ACOXL: variants seen among roughly 807,000 people sequenced by gnomAD.
ACOXL encodes the protein acyl-coenzyme A oxidase-like protein.
In ACOXL, 70 loss-of-function variants were observed where a neutral mutation model predicts 71.9. The observed-to-expected ratio is 0.97, with a 90% CI of 0.80 to 1.19. The LOEUF is 1.19. ACOXL is among the 50% of genes most tolerant of loss of function. The pLI is 0.00. For synonymous variants in ACOXL, 253 were observed against 281.6 expected, an observed-to-expected ratio of 0.90 and a Z score of 1.02; for missense variants, 703 against 736.3, an observed-to-expected ratio of 0.95 and a Z score of 0.52.
chr2:110,923,846 G>A (rs772491640), intron 11 of ACOXL, among the ~76,000 whole-genome samples: 5 of 151,828 alleles, frequency 3.3e-5, no homozygotes, highest in Non-Finnish European at 5.9e-5. Context: ...TGAGGCAGGA[G>A]AATTGCTTGA....
At chr2:111,078,448 G>A (rs1235010100) in intron 16 of ACOXL, among the ~76,000 whole-genome samples, 1 of 152,050 alleles carries the variant, frequency 6.6e-6, no homozygotes, top group Non-Finnish European at 1.5e-5. Context: ...ATTCTAAGTA[G>A]AGGTCGGGTT....
At chr2:110,740,285 G>A (rs1328938315) in intron 1 of ACOXL, among the ~76,000 whole-genome samples, 1 of 152,194 alleles carries the variant, frequency 6.6e-6, no homozygotes, top group Non-Finnish European at 1.5e-5. Context: ...ACTATATCAG[G>A]CAATTTCAAA....
intron 12 of ACOXL, among the ~76,000 whole-genome samples, chr2:110,949,770 A>T (rs1181887987): frequency 6.6e-6 from 1 of 152,176 alleles, no homozygotes; most frequent in Non-Finnish European, 1.5e-5. Context: ...AGGAGTTATT[A>T]TCCTTATAGT....
chr2:110,839,893 A>G (rs1359956035), intron 9 of ACOXL, among the ~76,000 whole-genome samples: 2 of 152,184 alleles, frequency 1.3e-5, no homozygotes, highest in Non-Finnish European at 1.5e-5. Flanking sequence ...CAAGGGAACC[A>G]TAAGTGATGT....
intron 9 of ACOXL, among the ~76,000 whole-genome samples, chr2:110,810,632 C>G (rs907281200): frequency 1.3e-5 from 2 of 151,992 alleles, no homozygotes; most frequent in Non-Finnish European, 2.9e-5. Flanking sequence ...CATCATCCAC[C>G]CATCCATCAT....
At chr2:110,957,314 A>C (rs2149432847) in intron 12 of ACOXL, among the ~76,000 whole-genome samples, 1 of 152,274 alleles carries the variant, frequency 6.6e-6, no homozygotes, top group East Asian at 1.9e-4. Flanking sequence ...TTAGGAAAGG[A>C]CTTCCTCAGA....
chr2:111,078,566 T>C (rs1223678331), intron 16 of ACOXL, among the ~76,000 whole-genome samples: 1 of 152,162 alleles, frequency 6.6e-6, no homozygotes, highest in East Asian at 1.9e-4. Context: ...ACCTAGCCTG[T>C]ATTTTCTATT....
chr2:110,853,294 G>A (rs1343111844), intron 10 of ACOXL, among the ~76,000 whole-genome samples: 2 of 152,164 alleles, frequency 1.3e-5, no homozygotes, highest in Non-Finnish European at 1.5e-5. Context: ...TGCTTGGTTC[G>A]GCTGCTCACA....
intron 9 of ACOXL, among the ~76,000 whole-genome samples, chr2:110,813,895 C>T (rs1322611515): frequency 3.3e-5 from 5 of 152,150 alleles, no homozygotes; most frequent in Admixed American, 2.0e-4. Flanking sequence ...TTCCCATTTT[C>T]CACATGAGGA....
intron 17 of ACOXL, chr2:111,101,848 A>C (rs971990066): frequency 6.5e-6 from 1 of 152,678 alleles, no homozygotes; most frequent in African/African-American, 2.4e-5. Flanking sequence ...GGCTGTGGTC[A>C]GTGAGTTGAG....
chr2:110,816,043 GGATGGAGGGATGGATGGGTA>G (rs756597344), intron 9 of ACOXL, among the ~76,000 whole-genome samples: 6 of 152,120 alleles, frequency 3.9e-5, no homozygotes, highest in Non-Finnish European at 7.4e-5. Context: ...ATTAATTGAT[GGATGGAGGGATGGATGGGTA>G]GATGAATAGA....
intron 14 of ACOXL, among the ~76,000 whole-genome samples, chr2:111,009,849 G>A (rs2064061091): frequency 6.6e-6 from 1 of 152,164 alleles, no homozygotes; most frequent in Non-Finnish European, 1.5e-5. Flanking sequence ...CTATGTCTCA[G>A]GAAAAGGGAT....
At chr2:110,864,179 C>G (rs1694283586) in intron 10 of ACOXL, among the ~76,000 whole-genome samples, 1 of 152,204 alleles carries the variant, frequency 6.6e-6, no homozygotes, top group African/African-American at 2.4e-5. Flanking sequence ...CTGTCACTCA[C>G]TGTGTTGGTG....
intron 17 of ACOXL, among the ~76,000 whole-genome samples, chr2:111,105,144 G>A (rs188068049): frequency 2.6e-5 from 4 of 152,076 alleles, no homozygotes; most frequent in East Asian, 1.9e-4. Context: ...TTAGTTGGTC[G>A]TATTTGTATG....
At chr2:110,924,035 G>A (rs747174063) in intron 11 of ACOXL, among the ~76,000 whole-genome samples, 51 of 152,024 alleles carry the variant, frequency 3.4e-4, no homozygotes, top group African/African-American at 4.8e-4. Flanking sequence ...AGTGAATATC[G>A]CAATAACATG....
intron 10 of ACOXL, among the ~76,000 whole-genome samples, chr2:110,850,696 G>GC (rs576914446): frequency 1.5e-3 from 225 of 152,318 alleles, no homozygotes; most frequent in Non-Finnish European, 2.6e-3. Context: ...TGGAGAAACT[G>GC]CAACTCTGAT....
rs1441535646 is a variant in ACOXL at position 111,031,677 on chromosome 2, C to T, written c.1332C>T (p.His444=). The part of the protein sequence containing the change: ...DFFHAWNSCL[H]HVASLSLAHT... ...TCCATGCCTGGAACTCGTGTCTGCA[C>T]CACGTGGCTTCTCTGTCCCTGGCAC... Residue 444 remains histidine, a synonymous_variant, in exon 15 of 18, where the codon CAC becomes CAT. Coordinates refer to ENST00000439055, the MANE Select transcript of ACOXL (RefSeq NM_001142807.4). 6.2e-7 allele frequency: 1 copy of T among 1,614,164 alleles called. No individual in the cohort carries two copies. Among genetic ancestry groups the T allele is most frequent in the East Asian group, 2.2e-5 (1 of 44,884 alleles).
In ACOXL at chr2:110,846,969, A is replaced by G. The variant is rs141499666; in HGVS notation, c.788+5564A>G. On this transcript the variant is annotated intron_variant, in intron 10 of 17. Transcript: ENST00000439055. ...TCCTGCTCATGTTTCGTTTATTATC[A>G]TGGCGCTTTAATTTATTTTTGTAAA... Among the ~76,000 whole-genome samples, 1,310 of 152,228 alleles carry G rather than the reference A, an allele frequency of 8.6e-3. 11 individuals carry two copies. Among genetic ancestry groups the G allele is most frequent in the African/African-American group, 0.022 (929 of 41,530 alleles).
chr2:111,035,096 G>C (rs891991245), intron 15 of ACOXL, among the ~76,000 whole-genome samples: 14 of 152,014 alleles, frequency 9.2e-5, no homozygotes, highest in African/African-American at 3.4e-4. Flanking sequence ...TCAATCTCCT[G>C]ACCTCGTGAT....
Sources: gnomAD v4.1 joint callset for allele counts (sites outside exome capture counted in the v4.1 genomes callset) on GRCh38, gnomAD v4.1.1 for gene constraint, MANE v1.5 for transcripts, NCBI Gene and HGNC (gene_info 2026-07-23, HGNC 2026-07-21) for gene names.